Variants in FHL1 observed in about 807,000 individuals in gnomAD.
FHL1 encodes the protein four and a half LIM domains 1.
FHL1 carries 1 observed loss-of-function variant against 20.3 expected under a neutral mutation model. The ratio of observed to expected loss-of-function variants is 0.05; its 90% CI spans 0.02 to 0.23. The LOEUF is 0.23. Among genes scored for constraint, FHL1 ranks in the 10% least tolerant of loss-of-function variants. The pLI is 1.00. For synonymous variants in FHL1, 82 were observed against 88.9 expected (o/e 0.92, Z 0.44); for missense variants, 177 against 234.0 (o/e 0.76, Z 1.59).
chrX:136,168,768 C>T (rs2072780070), upstream of FHL1, among the ~76,000 whole-genome samples: 1 of 111,635 alleles, frequency 9.0e-6, no homozygotes, highest in South Asian at 3.9e-4. Flanking sequence ...CCTAGTGAAC[C>T]AACAGTCTCA....
At position 136,211,118 on chromosome X, in the gene FHL1, T is replaced by C. The variant is rs1378444150; in HGVS notation, c.*1093T>C. On this transcript the variant is annotated 3_prime_UTR_variant, in exon 6 of 6. Transcript: ENST00000370683. ...TAGGACTTTTCCTCAAGAGGAAATC[T>C]GGATTTCCACCTACCGCTTACCTGA... 1 of 373,770 alleles carries C rather than the reference T, an allele frequency of 2.7e-6. No individual in the cohort carries two copies. The highest frequency in any genetic ancestry group is 5.1e-6 in the Non-Finnish European group (1 of 197,618). The allele number at this position is 373,770 out of a possible 1,213,427, so 30.8% of individuals were successfully genotyped here. A position where few individuals can be genotyped will look rare whatever the true frequency, so the allele number is the denominator to read the frequency against.
At chrX:136,207,214 G>C in intron 3 of FHL1, 24 bp downstream of exon 3, 1 of 1,187,884 alleles carries the variant, frequency 8.4e-7, no homozygotes, top group Non-Finnish European at 1.1e-6. Context: ...CCCACCCCGG[G>C]TTCCCAGGGA....
chrX:136,181,374 C>T (rs1390394067), intron 2 of FHL1, among the ~76,000 whole-genome samples: 3 of 111,581 alleles, frequency 2.7e-5, no homozygotes, highest in Non-Finnish European at 5.6e-5. Context: ...GTTAGGATGC[C>T]GGAGGCTGGC....
rs2073969322 is a variant in FHL1, at chrX:136,210,051, A to G, written c.*26A>G. 4 of 1,210,610 alleles carry G rather than the reference A, an allele frequency of 3.3e-6. No homozygotes were observed. The highest frequency in any genetic ancestry group is 4.5e-6 in the Non-Finnish European group (4 of 895,004). ...ACTGACAGGGGCTCCTGTCCTGTAA[A>G]ATGGCATTTGAATCTCGTTCTTTGT... On this transcript the variant is annotated 3_prime_UTR_variant, in exon 6 of 6. Coordinates refer to ENST00000370683, the MANE Select transcript of FHL1 (RefSeq NM_001159699.2).
At chrX:136,189,082 T>G (rs1294535277) in intron 2 of FHL1, among the ~76,000 whole-genome samples, 1 of 111,694 alleles carries the variant, frequency 9.0e-6, no homozygotes, top group Non-Finnish European at 1.9e-5. Flanking sequence ...GATGAATTAG[T>G]GCTTATAAGG....
intron 1 of FHL1, chrX:136,204,665 G>A (rs1569530145): frequency 8.9e-6 from 1 of 112,306 alleles, no homozygotes; most frequent in Non-Finnish European, 1.9e-5. Flanking sequence ...TTAGAGATGA[G>A]GGGGGTCTGT....
At chrX:136,209,827 C>T in intron 5 of FHL1, 44 bp from the exon 6 acceptor site, 1 of 1,182,907 alleles carries the variant, frequency 8.5e-7, no homozygotes, top group African/African-American at 1.8e-5. Context: ...ATTCATTCAG[C>T]TGTTTCTCTT....
chrX:136,177,558 T>G (rs929885208), intron 2 of FHL1, among the ~76,000 whole-genome samples: 2 of 112,321 alleles, frequency 1.8e-5, no homozygotes, highest in African/African-American at 6.5e-5. Flanking sequence ...TGTTTACAGG[T>G]CTTTTCAGCT....
chrX:136,171,469 T>C (rs572659314), intron 2 of FHL1, among the ~76,000 whole-genome samples: 1 of 111,586 alleles, frequency 9.0e-6, no homozygotes, highest in South Asian at 3.8e-4. Context: ...GCTAGATTCT[T>C]TAAGGAGATA....
intron 1 of FHL1, among the ~76,000 whole-genome samples, chrX:136,158,453 G>A (rs2072480685): frequency 1.8e-5 from 2 of 111,534 alleles, no homozygotes; most frequent in Non-Finnish European, 3.8e-5. Context: ...GATTTCTACT[G>A]TTTCTGCCCT....
At chrX:136,169,832 T>A in intron 1 of FHL1, 1 of 331,315 alleles carries the variant, frequency 3.0e-6, no homozygotes, top group East Asian at 9.7e-5. Flanking sequence ...GTTGACTTTA[T>A]TTTTTTAGAA....
chrX:136,195,553 T>C (rs1315988136), upstream of FHL1, among the ~76,000 whole-genome samples: 1 of 112,564 alleles, frequency 8.9e-6, no homozygotes, highest in Non-Finnish European at 1.9e-5. Context: ...GCTTATTTTT[T>C]TCCTCTAACA....
At chrX:136,181,858 C>A (rs763178302) in intron 2 of FHL1, among the ~76,000 whole-genome samples, 2 of 112,028 alleles carry the variant, frequency 1.8e-5, no homozygotes, top group East Asian at 5.6e-4. Flanking sequence ...TCTATCCATC[C>A]CTCCATCCAT....
Position 136,206,573 on chromosome X carries a change from C to T in FHL1, c.189C>T (p.Ile63=), listed in dbSNP as rs1424503926. The T allele has an allele frequency of 8.3e-6, 10 of 1,211,501 alleles. No homozygotes were observed. Among genetic ancestry groups the T allele is most frequent in the Admixed American group, 4.3e-5 (2 of 46,052 alleles). Residue 63 remains isoleucine, a synonymous_variant, in exon 2 of 6, where the codon ATC becomes ATT. Coordinates refer to ENST00000370683, the MANE Select transcript of FHL1 (RefSeq NM_001159699.2). The part of the protein sequence containing the change: ...ANTCVECRKP[I]GADSKEVHYK... ...CCTGTGTGGAATGCCGCAAGCCCAT[C>T]GGTGCGGACTCCAAGGTAACGGGCA...
chrX:136,202,109 A>C (rs757683498), intron 1 of FHL1, among the ~76,000 whole-genome samples: 1 of 112,421 alleles, frequency 8.9e-6, no homozygotes, highest in East Asian at 2.8e-4. Flanking sequence ...TCATGCCTGC[A>C]ATCCCATCAA....
upstream of FHL1, chrX:136,146,748 C>G (rs1355278251): frequency 6.1e-6 from 2 of 329,344 alleles, no homozygotes; most frequent in East Asian, 1.9e-4. Flanking sequence ...GAGCTTGGCA[C>G]ATGGCGAGGG....
At chrX:136,169,520 GA>G (rs397710404), upstream of FHL1, 8 of 199,936 alleles carry the variant, frequency 4.0e-5, no homozygotes, top group East Asian at 2.6e-4. Context: ...GAGAGAGAGA[GA>G]AAAAAAAAGG....
chrX:136,182,496 T>C (rs958035892), intron 2 of FHL1, among the ~76,000 whole-genome samples: 1 of 112,491 alleles, frequency 8.9e-6, no homozygotes, highest in African/African-American at 3.2e-5. Flanking sequence ...CCTATTTATG[T>C]GGAAAGCACG....
At chrX:136,177,927 G>A (rs1362127729) in intron 2 of FHL1, among the ~76,000 whole-genome samples, 5 of 112,449 alleles carry the variant, frequency 4.4e-5, no homozygotes, top group South Asian at 3.7e-4. Flanking sequence ...GGAGATGAAT[G>A]TTGGATGCTC....
Sources: gnomAD v4.1 joint callset for allele counts (sites outside exome capture counted in the v4.1 genomes callset) on GRCh38, gnomAD v4.1.1 for gene constraint, MANE v1.5 for transcripts, NCBI Gene and HGNC (gene_info 2026-07-23, HGNC 2026-07-21) for gene names.